PIP5K1B: variants seen among roughly 807,000 people sequenced by gnomAD.
PIP5K1B encodes the protein phosphatidylinositol-4-phosphate 5-kinase type 1 beta.
PIP5K1B carries 42 observed loss-of-function variants against 67.0 expected under a neutral mutation model. The observed-to-expected ratio is 0.63, with a 90% CI of 0.49 to 0.81. PIP5K1B has a LOEUF of 0.81. Among genes scored for constraint, PIP5K1B ranks in the 30% least tolerant of loss-of-function variants. The probability of loss-of-function intolerance (pLI) is 0.00; values close to 1 mark genes in which losing one functional copy is unlikely to be tolerated. For missense variants in PIP5K1B, 459 were observed against 646.3 expected, an observed-to-expected ratio of 0.71 and a Z score of 3.14; for synonymous variants, 214 against 231.4, an observed-to-expected ratio of 0.92 and a Z score of 0.68.
chr9:68,956,287 A>G (rs1027382917), intron 14 of PIP5K1B, among the ~76,000 whole-genome samples: 2 of 152,192 alleles, frequency 1.3e-5, no homozygotes, highest in Non-Finnish European at 2.9e-5. Flanking sequence ...TCTAGTCAAC[A>G]TGGGAAAACC....
chr9:68,785,827 A>T lies in PIP5K1B; in HGVS notation c.-85-32634A>T, dbSNP rs543708899. ...AGATGCTGGGCAATTAGCATCCTTG[A>T]TGGATGAAACTCCTGCTTTCACACT... On this transcript the variant is annotated intron_variant, in intron 2 of 15. Transcript: ENST00000265382. Among the ~76,000 whole-genome samples the T allele has an allele frequency of 5.9e-5, 9 of 152,324 alleles. No individual in the cohort carries two copies. The East Asian group carries it at 1.5e-3, about 26-fold the overall frequency.
rs140794720 is a variant in PIP5K1B, at chr9:68,953,151, C to G, written c.1502+12361C>G. 2.6e-5 allele frequency among the ~76,000 whole-genome samples: 4 copies of G among 152,002 alleles called. No homozygotes were observed. In the East Asian group the frequency reaches 7.7e-4, roughly 29 times the overall value. On this transcript the variant is annotated intron_variant, in intron 14 of 15. Coordinates refer to ENST00000265382, the MANE Select transcript of PIP5K1B (RefSeq NM_003558.4). ...CTTCCAATTTTCTCTACTTTTCTGT[C>G]TTCAGTCCCATCTATTTATGTTTCT...
chr9:68,769,033 G>A (rs1334160260), intron 2 of PIP5K1B, among the ~76,000 whole-genome samples: 1 of 152,216 alleles, frequency 6.6e-6, no homozygotes, highest in Non-Finnish European at 1.5e-5. Context: ...AACAAATGAT[G>A]AAGTGTTTGC....
intron 2 of PIP5K1B, among the ~76,000 whole-genome samples, chr9:68,744,176 G>A (rs1030401453): frequency 1.3e-5 from 2 of 152,188 alleles, no homozygotes; most frequent in African/African-American, 2.4e-5. Flanking sequence ...GTTACAAGGT[G>A]GACCCACAAA....
At chr9:68,901,675 G>A (rs1825359996) in intron 8 of PIP5K1B, among the ~76,000 whole-genome samples, 1 of 152,162 alleles carries the variant, frequency 6.6e-6, no homozygotes, top group African/African-American at 2.4e-5. Flanking sequence ...TGATATCATA[G>A]CAGTATAAGC....
chr9:68,737,955 C>T (rs898331459), intron 1 of PIP5K1B, among the ~76,000 whole-genome samples: 2 of 152,154 alleles, frequency 1.3e-5, no homozygotes, highest in Non-Finnish European at 2.9e-5. Context: ...GGTCTCCTTA[C>T]GCACATAATA....
chr9:68,789,616 G>T, intron 2 of PIP5K1B: 1 of 371,130 alleles, frequency 2.7e-6, no homozygotes, highest in Non-Finnish European at 5.3e-6. Flanking sequence ...CTTCTCCAGT[G>T]TTTCTCCAGG....
intron 2 of PIP5K1B, among the ~76,000 whole-genome samples, chr9:68,779,740 G>T (rs1295464141): frequency 1.3e-5 from 2 of 152,160 alleles, no homozygotes; most frequent in Non-Finnish European, 2.9e-5. Flanking sequence ...TCAGGAGATT[G>T]TTCCTTCCTC....
intron 8 of PIP5K1B, among the ~76,000 whole-genome samples, chr9:68,910,421 G>A (rs1421549349): frequency 2.6e-5 from 4 of 152,168 alleles, no homozygotes. Flanking sequence ...CATGGGCATT[G>A]TAATCATGAT....
At chr9:68,749,680 T>C (rs1237691946) in intron 2 of PIP5K1B, among the ~76,000 whole-genome samples, 2 of 152,126 alleles carry the variant, frequency 1.3e-5, no homozygotes, top group Non-Finnish European at 2.9e-5. Context: ...GGTTAAGAGT[T>C]TGAGAGCAGG....
At chr9:68,915,375 A>G (rs1442188129) in intron 8 of PIP5K1B, among the ~76,000 whole-genome samples, 1 of 152,160 alleles carries the variant, frequency 6.6e-6, no homozygotes, top group African/African-American at 2.4e-5. Context: ...TGAGAATTAG[A>G]AAGGTTAAGG....
At position 68,941,048 on chromosome 9, in the gene PIP5K1B, C is replaced by A. The variant is rs1827536882; in HGVS notation, c.1502+258C>A. On this transcript the variant is annotated intron_variant, in intron 14 of 15. Coordinates refer to ENST00000265382, the MANE Select transcript of PIP5K1B (RefSeq NM_003558.4). Reference sequence around the variant, plus strand: ...CTTGGCTCAATGGAAGAAGACAAATCTTTCATCATTTTTATTTTAGTAAAT... The same window carrying A: ...CTTGGCTCAATGGAAGAAGACAAATATTTCATCATTTTTATTTTAGTAAAT... 5.2e-6 allele frequency: 3 copies of A among 572,750 alleles called. No homozygotes were observed. The African/African-American group carries it at 5.5e-5, about 11-fold the overall frequency. The allele number at this position is 572,750 out of a possible 1,614,324, so 35.5% of individuals were successfully genotyped here.
chr9:68,736,581 C>T (rs1193909761), intron 1 of PIP5K1B, among the ~76,000 whole-genome samples: 1 of 152,212 alleles, frequency 6.6e-6, no homozygotes, highest in African/African-American at 2.4e-5. Context: ...TGCACTCCTT[C>T]TGGAGGCTCC....
chr9:68,779,660 C>A (rs989200330), intron 2 of PIP5K1B, among the ~76,000 whole-genome samples: 1 of 152,236 alleles, frequency 6.6e-6, no homozygotes, highest in Admixed American at 6.5e-5. Context: ...TGCCAACTGG[C>A]TGGGTAGCCG....
chr9:68,876,689 T>C lies in PIP5K1B; in HGVS notation c.213T>C (p.Asn71=). The C allele has an allele frequency of 6.3e-7, 1 of 1,586,902 alleles. No homozygotes were observed. The highest frequency in any genetic ancestry group is 1.3e-5 in the African/African-American group (1 of 74,504). The change falls in exon 6 of 16, where the codon AAT becomes AAC. Residue 71 remains asparagine, a synonymous_variant. Coordinates refer to ENST00000265382, the MANE Select transcript of PIP5K1B (RefSeq NM_003558.4). The part of the protein sequence containing the change: ...ESVFLPSEGS[N]LTPAHHYPDF... Reference sequence around the variant, plus strand: ...ATTTTGACTTCAGCGAAGGGAGCAATCTGACCCCAGCACATCACTACCCAG... The same window carrying C: ...ATTTTGACTTCAGCGAAGGGAGCAACCTGACCCCAGCACATCACTACCCAG...
At chr9:68,930,040 T>G (rs974870121) in intron 12 of PIP5K1B, among the ~76,000 whole-genome samples, 4 of 152,246 alleles carry the variant, frequency 2.6e-5, no homozygotes, top group African/African-American at 7.2e-5. Flanking sequence ...ATAACGCTCT[T>G]CGCTTGTCTT....
At chr9:68,947,797 G>A (rs552261542) in intron 14 of PIP5K1B, among the ~76,000 whole-genome samples, 1 of 152,288 alleles carries the variant, frequency 6.6e-6, no homozygotes, top group South Asian at 2.1e-4. Context: ...CTGACAATCA[G>A]TAATGCATTC....
intron 14 of PIP5K1B, among the ~76,000 whole-genome samples, chr9:68,958,769 A>C (rs192040835): frequency 6.6e-6 from 1 of 152,196 alleles, no homozygotes; most frequent in African/African-American, 2.4e-5. Context: ...TCACACCACA[A>C]ATTTTAAAAG....
At chr9:68,780,350 CACA>C in intron 2 of PIP5K1B, 1 of 1,611,572 alleles carries the variant, frequency 6.2e-7, no homozygotes, top group Non-Finnish European at 8.5e-7. Context: ...GGCGGAACAG[CACA>C]ACGTTCCCGA....
Sources: gnomAD v4.1 joint callset for allele counts (sites outside exome capture counted in the v4.1 genomes callset) on GRCh38, gnomAD v4.1.1 for gene constraint, MANE v1.5 for transcripts, NCBI Gene and HGNC (gene_info 2026-07-23, HGNC 2026-07-21) for gene names.